Variants in BRINP3 observed in about 807,000 individuals in gnomAD.
The protein encoded by BRINP3 is BMP/retinoic acid-inducible neural-specific protein 3.
Under a neutral mutation model 71.0 loss-of-function variants are expected in BRINP3, and 19 were observed. The ratio of observed to expected loss-of-function variants is 0.27; its 90% CI spans 0.19 to 0.39. The LOEUF is 0.39. Ranked by LOEUF, BRINP3 falls within the 10% of genes least tolerant of loss-of-function variation. BRINP3 has a pLI of 1.00. For synonymous variants in BRINP3, 380 were observed against 337.7 expected, an observed-to-expected ratio of 1.13 and a Z score of -1.37; for missense variants, 959 against 940.8, an observed-to-expected ratio of 1.02 and a Z score of -0.25.
At chr1:190,228,043 T>C in intron 5 of BRINP3, among the ~76,000 whole-genome samples, 1 of 151,800 alleles carries the variant, frequency 6.6e-6, no homozygotes, top group East Asian at 1.9e-4. Flanking sequence ...GGGAAAGAAA[T>C]TAAGGTAATA....
intron 7 of BRINP3, among the ~76,000 whole-genome samples, chr1:190,107,009 G>A (rs1021014058): frequency 4.6e-5 from 7 of 151,690 alleles, no homozygotes; most frequent in South Asian, 2.1e-4. Context: ...TACAATCATC[G>A]TTGTTGTTCT....
At chr1:190,468,705 A>C (rs1201894860) in intron 1 of BRINP3, among the ~76,000 whole-genome samples, 1 of 151,194 alleles carries the variant, frequency 6.6e-6, no homozygotes, top group South Asian at 2.1e-4. Flanking sequence ...GGAATTATGG[A>C]TTGCAAAATT....
chr1:190,105,463 G>T (rs576470892), intron 7 of BRINP3, among the ~76,000 whole-genome samples: 2 of 152,068 alleles, frequency 1.3e-5, no homozygotes, highest in Non-Finnish European at 2.9e-5. Context: ...TTTCTCATGT[G>T]CACAGTTATA....
chr1:190,278,664 T>C (rs986899432), intron 3 of BRINP3, among the ~76,000 whole-genome samples: 6 of 151,626 alleles, frequency 4.0e-5, no homozygotes, highest in Non-Finnish European at 8.9e-5. Flanking sequence ...CAAAAAACTA[T>C]GAAAACTCAA....
chr1:190,111,180 A>AC (rs1652641318), intron 7 of BRINP3, among the ~76,000 whole-genome samples: 2 of 59,798 alleles, frequency 3.3e-5, no homozygotes. Context: ...GCAAGACTCC[A>AC]TTAAAAAAAA....
At chr1:190,163,163 A>C (rs1236743365) in intron 6 of BRINP3, among the ~76,000 whole-genome samples, 1 of 152,120 alleles carries the variant, frequency 6.6e-6, no homozygotes, top group African/African-American at 2.4e-5. Context: ...ATGATGCATT[A>C]GTATTATAAT....
intron 2 of BRINP3, among the ~76,000 whole-genome samples, chr1:190,317,239 C>A (rs1665949186): frequency 6.6e-6 from 1 of 151,232 alleles, no homozygotes; most frequent in Non-Finnish European, 1.5e-5. Flanking sequence ...CTCTCAGCAG[C>A]AGCTGATGTA....
At chr1:190,316,552 C>A (rs1006146326) in intron 2 of BRINP3, among the ~76,000 whole-genome samples, 2 of 152,012 alleles carry the variant, frequency 1.3e-5, no homozygotes, top group Non-Finnish European at 2.9e-5. Flanking sequence ...TTAATATAAA[C>A]TATCACAGTA....
intron 2 of BRINP3, among the ~76,000 whole-genome samples, chr1:190,377,056 G>C (rs1446919305): frequency 6.6e-6 from 1 of 151,764 alleles, no homozygotes; most frequent in Non-Finnish European, 1.5e-5. Context: ...TTTTAATTAA[G>C]TTCTAAATTT....
intron 2 of BRINP3, among the ~76,000 whole-genome samples, chr1:190,398,400 T>C (rs989588307): frequency 1.3e-5 from 2 of 151,894 alleles, no homozygotes; most frequent in Non-Finnish European, 1.5e-5. Flanking sequence ...TGATGTAAAA[T>C]TCTGAATAAC....
At chr1:190,425,662 T>A (rs1286871921) in intron 2 of BRINP3, among the ~76,000 whole-genome samples, 1 of 151,786 alleles carries the variant, frequency 6.6e-6, no homozygotes, top group African/African-American at 2.4e-5. Flanking sequence ...ACATGATCTG[T>A]AAGCCAAATT....
chr1:190,209,069 AT>A (rs958642920), intron 6 of BRINP3, among the ~76,000 whole-genome samples: 8 of 152,036 alleles, frequency 5.3e-5, no homozygotes, highest in Non-Finnish European at 1.2e-4. Context: ...ATTTACTATG[AT>A]TTTTTTGTAG....
intron 7 of BRINP3, among the ~76,000 whole-genome samples, chr1:190,155,760 T>C (rs1219406894): frequency 6.6e-6 from 1 of 152,020 alleles, no homozygotes; most frequent in Non-Finnish European, 1.5e-5. Context: ...GTTTTAAAAG[T>C]ATAGCACTTC....
intron 2 of BRINP3, among the ~76,000 whole-genome samples, chr1:190,374,308 ATCTG>A (rs1314458793): frequency 2.6e-5 from 4 of 152,112 alleles, no homozygotes; most frequent in South Asian, 2.1e-4. Flanking sequence ...CTCTCTGACT[ATCTG>A]TCTATCTATC....
chr1:190,298,551 T>C (rs1664427017), intron 2 of BRINP3, among the ~76,000 whole-genome samples: 1 of 152,150 alleles, frequency 6.6e-6, no homozygotes, highest in South Asian at 2.1e-4. Context: ...TTCTGGGTTT[T>C]TTAAAAAATT....
Position 190,281,638 on chromosome 1 carries a change from G to A in BRINP3, c.349C>T (p.Arg117Ter), listed in dbSNP as rs1428583650. The A allele has an allele frequency of 6.2e-7, 1 of 1,612,952 alleles. No homozygotes were observed. The highest frequency in any genetic ancestry group is 8.5e-7 in the Non-Finnish European group (1 of 1,179,338). The change falls in exon 3 of 8, where the codon CGA becomes TGA. Residue 117 changes from arginine (R) to a stop codon, truncating the protein, a stop_gained. Coordinates refer to ENST00000367462, the MANE Select transcript of BRINP3 (RefSeq NM_199051.3). LOFTEE classifies it high-confidence loss of function. ...FFRNIRLLGR[R>*]PTLQQITENL... ...TCTGTGATTTGCTGAAGGGTAGGTC[G>A]ACGTCCCAAAAGTCTTATGTTGCGG...
intron 2 of BRINP3, among the ~76,000 whole-genome samples, chr1:190,396,285 C>T (rs538231450): frequency 2.6e-5 from 4 of 151,874 alleles, no homozygotes; most frequent in East Asian, 1.9e-4. Flanking sequence ...CTTTTAGTTC[C>T]GTTTAAATTA....
chr1:190,433,882 G>T (rs568192104), intron 2 of BRINP3, among the ~76,000 whole-genome samples: 1 of 152,174 alleles, frequency 6.6e-6, no homozygotes, highest in South Asian at 2.1e-4. Context: ...GTAAAAAGTT[G>T]AATTATATGT....
intron 2 of BRINP3, among the ~76,000 whole-genome samples, chr1:190,300,282 C>T (rs1664579013): frequency 6.6e-6 from 1 of 152,114 alleles, no homozygotes; most frequent in Non-Finnish European, 1.5e-5. Context: ...CTACCCTTCT[C>T]ACTTCCTTTC....
Sources: gnomAD v4.1 joint callset for allele counts (sites outside exome capture counted in the v4.1 genomes callset) on GRCh38, gnomAD v4.1.1 for gene constraint, MANE v1.5 for transcripts, NCBI Gene and HGNC (gene_info 2026-07-23, HGNC 2026-07-21) for gene names.